Variants in FBXW10B observed in about 807,000 individuals in gnomAD.
FBXW10B encodes the protein F-box and WD repeat domain containing protein 10B.
At chr17:15,579,519 A>G in the FBXW10B span, among the ~76,000 whole-genome samples, 7,802 of 151,724 alleles carry the variant, frequency 0.051, 611 homozygotes, top group African/African-American at 0.17. Context: ...TTAAAGTTAA[A>G]TTGTCTTGAT....
chr17:15,598,598 T>C, the FBXW10B span: 184 of 1,613,342 alleles, frequency 1.1e-4, no homozygotes, highest in Non-Finnish European at 1.5e-4. Flanking sequence ...CAAGTGATAG[T>C]CCCCTGGTGA....
At chr17:15,592,304 T>C in the FBXW10B span, among the ~76,000 whole-genome samples, 1,413 of 150,732 alleles carry the variant, frequency 9.4e-3, 30 homozygotes, top group African/African-American at 0.033. Flanking sequence ...AGTTTTTTTT[T>C]TTTTTTTTTT....
At chr17:15,615,663 C>T in the FBXW10B span, 13 of 1,613,816 alleles carry the variant, frequency 8.1e-6, no homozygotes, top group Non-Finnish European at 1.1e-5. Flanking sequence ...GATGCTGCCC[C>T]AAGGAAGTGT....
At chr17:15,619,110 T>A in the FBXW10B span, 35 of 1,613,846 alleles carry the variant, frequency 2.2e-5, no homozygotes, top group Non-Finnish European at 2.8e-5. Flanking sequence ...AGAGTATAAT[T>A]CGCCTTGGTC....
At chr17:15,585,945 T>C in the FBXW10B span, among the ~76,000 whole-genome samples, 1 of 143,936 alleles carries the variant, frequency 6.9e-6, no homozygotes, top group African/African-American at 2.6e-5. Context: ...ATTTTCTTCT[T>C]TTTTTTTTTT....
the FBXW10B span, among the ~76,000 whole-genome samples, chr17:15,618,446 G>A: frequency 1.3e-5 from 2 of 151,942 alleles, no homozygotes; most frequent in Non-Finnish European, 2.9e-5. Context: ...AGCCACAGCT[G>A]GAGAACTACC....
the FBXW10B span, among the ~76,000 whole-genome samples, chr17:15,590,735 A>G: frequency 1.9e-4 from 28 of 151,182 alleles, 1 homozygote; most frequent in Admixed American, 1.5e-3. Context: ...GGTGGAGACC[A>G]TGAAAGACAG....
chr17:15,603,827 C>A, the FBXW10B span, among the ~76,000 whole-genome samples: 1 of 149,168 alleles, frequency 6.7e-6, no homozygotes, highest in Non-Finnish European at 1.5e-5. Context: ...AATCCCAGTA[C>A]TTTAGGAGGC....
chr17:15,601,165 T>A, the FBXW10B span, among the ~76,000 whole-genome samples: 1 of 150,170 alleles, frequency 6.7e-6, no homozygotes, highest in Non-Finnish European at 1.5e-5. Flanking sequence ...ATCCCAGCAC[T>A]TTGGGAGGCC....
the FBXW10B span, among the ~76,000 whole-genome samples, chr17:15,608,185 G>A: frequency 6.6e-4 from 90 of 135,972 alleles, no homozygotes; most frequent in African/African-American, 2.4e-3. Context: ...TTTTTCAGAC[G>A]GAGTCTCGCT....
At chr17:15,593,020 T>C in the FBXW10B span, among the ~76,000 whole-genome samples, 2 of 142,718 alleles carry the variant, frequency 1.4e-5, no homozygotes, top group African/African-American at 5.4e-5. Context: ...AGAGAATTGC[T>C]TGAACCCGAG....
At chr17:15,610,881 G>T in the FBXW10B span, among the ~76,000 whole-genome samples, 1 of 152,144 alleles carries the variant, frequency 6.6e-6, no homozygotes, top group Non-Finnish European at 1.5e-5. Context: ...GCAGGTCCAC[G>T]TTCAAATGAA....
chr17:15,592,798 CT>C, the FBXW10B span, among the ~76,000 whole-genome samples: 1 of 151,964 alleles, frequency 6.6e-6, no homozygotes, highest in South Asian at 2.1e-4. Flanking sequence ...CCACAAACAC[CT>C]AGGATGAATT....
chr17:15,565,548 T>C, the FBXW10B span: 7 of 1,613,554 alleles, frequency 4.3e-6, no homozygotes, highest in Non-Finnish European at 5.9e-6. Context: ...TAAATACATT[T>C]TGTCCAAGTT....
the FBXW10B span, among the ~76,000 whole-genome samples, chr17:15,596,988 ATGCT>A: frequency 6.6e-6 from 1 of 152,034 alleles, no homozygotes; most frequent in Non-Finnish European, 1.5e-5. Flanking sequence ...AGCCTGAAAA[ATGCT>A]TGCTATCGAG....
chr17:15,589,637 T>A, the FBXW10B span, among the ~76,000 whole-genome samples: 1 of 145,668 alleles, frequency 6.9e-6, no homozygotes, highest in Non-Finnish European at 1.5e-5. Context: ...ACAACTAAAT[T>A]TGTGGGGTGA....
chr17:15,600,640 G>C, the FBXW10B span, among the ~76,000 whole-genome samples: 14 of 151,960 alleles, frequency 9.2e-5, no homozygotes, highest in Non-Finnish European at 1.9e-4. Flanking sequence ...CTTCCAGAAG[G>C]GGAACAAGAT....
chr17:15,611,718 A>G, the FBXW10B span, among the ~76,000 whole-genome samples: 2 of 152,104 alleles, frequency 1.3e-5, no homozygotes, highest in African/African-American at 4.8e-5. Flanking sequence ...CTCATCAACT[A>G]TCCTTTTGGG....
the FBXW10B span, among the ~76,000 whole-genome samples, chr17:15,603,136 A>G: frequency 1.6e-3 from 232 of 146,376 alleles, no homozygotes; most frequent in African/African-American, 5.5e-3. Flanking sequence ...CGCCTGCCTC[A>G]GCCTCCCAAA....
Sources: gnomAD v4.1 joint callset for allele counts (sites outside exome capture counted in the v4.1 genomes callset) on GRCh38, gnomAD v4.1.1 for gene constraint, MANE v1.5 for transcripts, NCBI Gene and HGNC (gene_info 2026-07-23, HGNC 2026-07-21) for gene names.